The following STARD13 variants were observed in gnomAD, a reference collection of about 807,000 sequenced individuals.
STARD13 encodes stAR-related lipid transfer protein 13.
In STARD13, 62 loss-of-function variants were observed where a neutral mutation model predicts 106.4. The observed-to-expected ratio is 0.58, with a 90% confidence interval of 0.48 to 0.72. The LOEUF is 0.72. Ranked by LOEUF, STARD13 falls within the 30% of genes least tolerant of loss-of-function variation. The pLI, the probability that STARD13 is intolerant of heterozygous loss-of-function variation, is 0.00. For synonymous variants in STARD13, 565 were observed against 553.0 expected, an observed-to-expected ratio of 1.02 and a Z score of -0.31; for missense variants, 1,387 against 1,424.0, an observed-to-expected ratio of 0.97 and a Z score of 0.42.
the STARD13 span, among the ~76,000 whole-genome samples, chr13:33,404,582 C>G: frequency 6.6e-6 from 1 of 152,126 alleles, no homozygotes; most frequent in Non-Finnish European, 1.5e-5. Context: ...AAGAACAAGT[C>G]ACTCTAAACA....
chr13:33,190,557 G>C (rs1014302093), intron 1 of STARD13, among the ~76,000 whole-genome samples: 103 of 151,576 alleles, frequency 6.8e-4, no homozygotes, highest in African/African-American at 2.3e-3. Flanking sequence ...TTGGAATACT[G>C]CACCCATTTC....
At chr13:33,589,153 T>C in the STARD13 span, among the ~76,000 whole-genome samples, 2 of 152,222 alleles carry the variant, frequency 1.3e-5, no homozygotes, top group Non-Finnish European at 2.9e-5. Context: ...ATCCCCTTTA[T>C]CATTTTTTAT....
the STARD13 span, among the ~76,000 whole-genome samples, chr13:33,671,183 T>C: frequency 6.6e-6 from 1 of 152,140 alleles, no homozygotes; most frequent in Non-Finnish European, 1.5e-5. Context: ...TTGCTTATAA[T>C]GTAGAATAAT....
At chr13:33,615,175 A>C in the STARD13 span, among the ~76,000 whole-genome samples, 1 of 151,744 alleles carries the variant, frequency 6.6e-6, no homozygotes, top group African/African-American at 2.4e-5. Flanking sequence ...ATCCGCAAAA[A>C]CCCCTGTGTT....
chr13:33,105,632 G>A lies in STARD13; in HGVS notation c.3303C>T (p.Phe1101=). 6.2e-7 allele frequency: 1 copy of A among 1,614,064 alleles called. No individual in the cohort carries two copies. Among genetic ancestry groups the A allele is most frequent in the East Asian group, 2.2e-5 (1 of 44,886 alleles). Residue 1101 remains phenylalanine, a synonymous_variant, in exon 14 of 14, where the codon TTC becomes TTT. Coordinates refer to ENST00000336934, the MANE Select transcript of STARD13 (RefSeq NM_178006.4). Reference sequence around the variant, plus strand: ...CTGGGCCCTCAGCAATGAGGGGCTGGAAAGAGTTTCTAATCCTGGCAACTT... The same window carrying A: ...CTGGGCCCTCAGCAATGAGGGGCTGAAAAGAGTTTCTAATCCTGGCAACTT... The part of the protein sequence containing the change: ...AAEVARIRNS[F]QPLIAEGPET...
chr13:33,434,227 C>T, the STARD13 span, among the ~76,000 whole-genome samples: 1 of 151,678 alleles, frequency 6.6e-6, no homozygotes, highest in Non-Finnish European at 1.5e-5. Flanking sequence ...GTGGTGTGCA[C>T]CTGTAATCCC....
At chr13:33,499,270 G>A in the STARD13 span, among the ~76,000 whole-genome samples, 23 of 152,220 alleles carry the variant, frequency 1.5e-4, no homozygotes, top group African/African-American at 5.3e-4. Flanking sequence ...TGAGTGGGTT[G>A]AACAAGTATA....
At chr13:33,373,782 CAT>C in the STARD13 span, among the ~76,000 whole-genome samples, 1 of 146,396 alleles carries the variant, frequency 6.8e-6, no homozygotes. Flanking sequence ...AAAAAAAAAA[CAT>C]AGAAAATAAG....
At chr13:33,228,472 G>A (rs1389212142) in intron 1 of STARD13, among the ~76,000 whole-genome samples, 2 of 151,586 alleles carry the variant, frequency 1.3e-5, no homozygotes, top group African/African-American at 4.9e-5. Flanking sequence ...TTGAGCTCCT[G>A]TTATAAAACA....
chr13:33,468,040 A>G, the STARD13 span, among the ~76,000 whole-genome samples: 1 of 152,184 alleles, frequency 6.6e-6, no homozygotes, highest in Non-Finnish European at 1.5e-5. Flanking sequence ...TAGTCACAGG[A>G]TATAACCATT....
At chr13:33,615,696 T>C in the STARD13 span, among the ~76,000 whole-genome samples, 1 of 152,186 alleles carries the variant, frequency 6.6e-6, no homozygotes, top group African/African-American at 2.4e-5. Context: ...ATTAAGCTTC[T>C]GCAAAGCATG....
chr13:33,290,911 C>T (rs1032666355), intron 1 of STARD13, among the ~76,000 whole-genome samples: 7 of 152,256 alleles, frequency 4.6e-5, no homozygotes, highest in African/African-American at 9.6e-5. Context: ...TCCAGAAACA[C>T]TTTCATGACT....
In STARD13 at chr13:33,158,081, C is replaced by T. The variant is rs1038095922; in HGVS notation, c.323+7256G>A. On this transcript the variant is annotated intron_variant, in intron 3 of 13. Transcript: ENST00000336934. ...AAACATTTATGGAGTGTCTACTATG[C>T]AGCCTTGCTGAAGCAACAGAGAGAC... Among the ~76,000 whole-genome samples, 29 of 152,160 alleles carry T rather than the reference C, an allele frequency of 1.9e-4. 1 individual carries two copies. The highest frequency in any genetic ancestry group is 6.8e-4 in the African/African-American group (28 of 41,440).
chr13:33,305,310 A>G (rs1892864697), intron 1 of STARD13, among the ~76,000 whole-genome samples: 1 of 152,228 alleles, frequency 6.6e-6, no homozygotes, highest in Non-Finnish European at 1.5e-5. Flanking sequence ...ACTGACAGAT[A>G]AAGATCCAGA....
At chr13:33,123,170 C>T (rs1025135380) in intron 7 of STARD13, among the ~76,000 whole-genome samples, 2 of 151,718 alleles carry the variant, frequency 1.3e-5, no homozygotes, top group African/African-American at 2.4e-5. Flanking sequence ...AAACAGCCAG[C>T]GGGGGCAGGG....
At chr13:33,241,798 T>C (rs1437995018) in intron 1 of STARD13, among the ~76,000 whole-genome samples, 1 of 152,180 alleles carries the variant, frequency 6.6e-6, no homozygotes, top group Non-Finnish European at 1.5e-5. Flanking sequence ...AGCCTCAGCC[T>C]CCCGAGGTGC....
the STARD13 span, chr13:33,654,806 C>T: frequency 6.6e-6 from 1 of 152,226 alleles, no homozygotes. Context: ...GTCTGATTTT[C>T]TCACAGCACT....
chr13:33,491,851 A>G, the STARD13 span, among the ~76,000 whole-genome samples: 21 of 152,290 alleles, frequency 1.4e-4, no homozygotes, highest in Middle Eastern at 3.4e-3. Context: ...AAATGATGAC[A>G]ATTGAATGTT....
intron 1 of STARD13, among the ~76,000 whole-genome samples, chr13:33,250,450 TA>T (rs1890044915): frequency 6.6e-6 from 1 of 152,198 alleles, no homozygotes; most frequent in African/African-American, 2.4e-5. Flanking sequence ...ATGTCTCCCT[TA>T]AAACAAGAAA....
Sources: gnomAD v4.1 joint callset for allele counts (sites outside exome capture counted in the v4.1 genomes callset) on GRCh38, gnomAD v4.1.1 for gene constraint, MANE v1.5 for transcripts, NCBI Gene and HGNC (gene_info 2026-07-23, HGNC 2026-07-21) for gene names.